AK9: variants seen among roughly 807,000 people sequenced by gnomAD.
AK9 encodes the protein adenylate kinase domain containing 1.
In AK9, 191 loss-of-function variants were observed where a neutral mutation model predicts 239.6. The observed-to-expected ratio is 0.80, with a 90% CI of 0.71 to 0.90. The LOEUF (loss-of-function observed/expected upper bound fraction) is 0.90. Ranked by LOEUF, AK9 falls within the 40% of genes least tolerant of loss-of-function variation. The pLI, the probability that AK9 is intolerant of heterozygous loss-of-function variation, is 0.00. For synonymous variants in AK9, 689 were observed against 721.0 expected, an observed-to-expected ratio of 0.96 and a Z score of 0.71; for missense variants, 1,995 against 2,214.7, an observed-to-expected ratio of 0.90 and a Z score of 1.99.
chr6:109,670,426 T>C (rs1770681704), intron 5 of AK9, among the ~76,000 whole-genome samples: 2 of 152,200 alleles, frequency 1.3e-5, no homozygotes, highest in South Asian at 4.1e-4. Context: ...AGTAGAAGTG[T>C]AGATGAAACG....
intron 32 of AK9, 82 bp from the exon 33 acceptor site, chr6:109,509,462 T>C: frequency 8.2e-7 from 1 of 1,218,434 alleles, no homozygotes; most frequent in Non-Finnish European, 1.1e-6. Context: ...ATGGGTATAT[T>C]GTGTGATGCT....
At position 109,672,147 on chromosome 6, in the gene AK9, G is replaced by T; in HGVS notation, c.202C>A (p.Gln68Lys). 6.2e-7 allele frequency: 1 copy of T among 1,612,976 alleles called. No homozygotes were observed. Among genetic ancestry groups the T allele is most frequent in the Non-Finnish European group, 8.5e-7 (1 of 1,179,488 alleles). The change falls in exon 4 of 41, where the codon CAG becomes AAG. Residue 68 changes from glutamine to lysine, a missense_variant. Coordinates refer to ENST00000424296, the MANE Select transcript of AK9 (RefSeq NM_001145128.3). ...RVEALPILEE[Q>K]IAAETESGVM... Reference sequence around the variant, plus strand: ...CCTGATTCGGTTTCAGCAGCAATCTGTTCTTCTAAAATTGGCAAAGCTAAA... The same window carrying T: ...CCTGATTCGGTTTCAGCAGCAATCTTTTCTTCTAAAATTGGCAAAGCTAAA...
At chr6:109,688,844 T>G (rs967967739) in intron 1 of AK9, among the ~76,000 whole-genome samples, 11 of 152,102 alleles carry the variant, frequency 7.2e-5, no homozygotes, top group African/African-American at 2.7e-4. Context: ...TGCTGCTATG[T>G]GATTGGATGA....
chr6:109,531,233 G>A (rs1428535626), intron 28 of AK9, among the ~76,000 whole-genome samples: 1 of 152,154 alleles, frequency 6.6e-6, no homozygotes, highest in African/African-American at 2.4e-5. Context: ...GAAAATTCGT[G>A]TGGAGGTAGT....
chr6:109,579,631 A>T lies in AK9; in HGVS notation c.2115-5T>A. ...AATTCCTCTTCTGTGGCTTTTCTGAAATGAAAAGGTTCAAATTTAATTATC... is the reference window on the plus strand; with the variant it reads ...AATTCCTCTTCTGTGGCTTTTCTGATATGAAAAGGTTCAAATTTAATTATC... On this transcript the variant is annotated splice_region_variant and splice_polypyrimidine_tract_variant and intron_variant, in intron 19 of 40. Coordinates refer to ENST00000424296, the MANE Select transcript of AK9 (RefSeq NM_001145128.3). 1 of 1,549,952 alleles carries T rather than the reference A, an allele frequency of 6.5e-7. No individual in the cohort carries two copies. The highest frequency in any genetic ancestry group is 8.7e-7 in the Non-Finnish European group (1 of 1,146,078).
At chr6:109,597,792 A>C (rs1271763005) in intron 17 of AK9, among the ~76,000 whole-genome samples, 1 of 152,196 alleles carries the variant, frequency 6.6e-6, no homozygotes, top group Non-Finnish European at 1.5e-5. Flanking sequence ...GTGGAAGTTT[A>C]TTAAAAAGCT....
intron 24 of AK9, among the ~76,000 whole-genome samples, chr6:109,554,114 T>A (rs1582978386): frequency 1.3e-5 from 2 of 152,306 alleles, no homozygotes; most frequent in East Asian, 3.9e-4. Context: ...AGTATCTTAT[T>A]GAGGATTTTT....
chr6:109,621,893 T>TAAAAAAAAAAAAAA (rs59405869), intron 12 of AK9, among the ~76,000 whole-genome samples: 1 of 55,524 alleles, frequency 1.8e-5, no homozygotes, highest in Non-Finnish European at 3.2e-5. Flanking sequence ...AAAGTATAAT[T>TAAAAAAAAAAAAAA]AAAAAAAAAA....
At chr6:109,666,556 G>T (rs1319924185) in intron 5 of AK9, among the ~76,000 whole-genome samples, 1 of 152,192 alleles carries the variant, frequency 6.6e-6, no homozygotes, top group Non-Finnish European at 1.5e-5. Flanking sequence ...GTTCTCATTA[G>T]CTCAACCAAT....
chr6:109,675,291 T>A (rs1771543983), intron 2 of AK9, among the ~76,000 whole-genome samples: 1 of 152,206 alleles, frequency 6.6e-6, no homozygotes, highest in South Asian at 2.1e-4. Flanking sequence ...CAAATTTAAA[T>A]ATAGTCTGGG....
intron 27 of AK9, 37 bp from the exon 28 acceptor site, chr6:109,533,507 A>C (rs1364902697): frequency 6.6e-7 from 1 of 1,504,842 alleles, no homozygotes. Flanking sequence ...TATTTCATTA[A>C]AATGTTGTAA....
In AK9 at chr6:109,564,793, G is replaced by A; in HGVS notation, c.2397C>T (p.Ser799=). The change falls in exon 22 of 41, where the codon TCC becomes TCT. Residue 799 remains serine (S), a synonymous_variant. Coordinates refer to ENST00000424296, the MANE Select transcript of AK9 (RefSeq NM_001145128.3). ...TTVETEIPKG[S]KEGLEIEKLS... ...ATTTTTCAATTTCCAGGCCCTCTTT[G>A]GATCCTTTTGGGATTTCTGTTTCCA... 1 of 1,545,878 alleles carries A rather than the reference G, an allele frequency of 6.5e-7. No individual in the cohort carries two copies. Among genetic ancestry groups the A allele is most frequent in the Non-Finnish European group, 8.7e-7 (1 of 1,144,358 alleles).
chr6:109,497,967 T>C lies in AK9; in HGVS notation c.5047-2A>G, dbSNP rs1777241936. On this transcript the variant is annotated splice_acceptor_variant, in intron 36 of 40. Coordinates refer to ENST00000424296, the MANE Select transcript of AK9 (RefSeq NM_001145128.3). LOFTEE classifies it high-confidence loss of function. ...CAATTCTGGGTTCTCCAAGAATTTC[T>C]ATTAAAAAAGAATTCCAGTAGCAAC... The C allele has an allele frequency of 6.2e-7, 1 of 1,612,488 alleles. No individual in the cohort carries two copies. Among genetic ancestry groups the C allele is most frequent in the Non-Finnish European group, 8.5e-7 (1 of 1,178,782 alleles).
At chr6:109,612,607 T>C (rs996669495) in intron 15 of AK9, among the ~76,000 whole-genome samples, 1 of 152,062 alleles carries the variant, frequency 6.6e-6, no homozygotes, top group Non-Finnish European at 1.5e-5. Context: ...TCAGCTGCCA[T>C]CTGATGGTCA....
intron 17 of AK9, among the ~76,000 whole-genome samples, chr6:109,603,858 G>C (rs745541486): frequency 5.9e-5 from 9 of 152,174 alleles, no homozygotes; most frequent in Non-Finnish European, 1.0e-4. Flanking sequence ...TCTGGGCGTG[G>C]GACCCTCCGA....
intron 15 of AK9, among the ~76,000 whole-genome samples, chr6:109,613,435 C>A (rs1288602840): frequency 1.3e-5 from 2 of 151,696 alleles, no homozygotes; most frequent in Non-Finnish European, 2.9e-5. Context: ...ATTAAAACAA[C>A]AGAAAATACT....
chr6:109,563,708 T>C lies in AK9; in HGVS notation c.2640A>G (p.Pro880=). The C allele has an allele frequency of 6.5e-7, 1 of 1,549,716 alleles. No individual in the cohort carries two copies. The highest frequency in any genetic ancestry group is 8.7e-7 in the Non-Finnish European group (1 of 1,145,628). The change falls in exon 24 of 41, where the codon CCA becomes CCG. Residue 880 remains proline (P), a synonymous_variant. Transcript: ENST00000424296. The stretch of plus-strand genomic sequence containing the variant: ...TTAACTCCCATGCAGTATATTGAAA[T>C]GGTTCTGGAGAAAAAGAGAATCATT... ...LQKVVETMEK[P]FQYTAWELTG...
chr6:109,675,938 T>C (rs939432369), intron 1 of AK9, among the ~76,000 whole-genome samples, 182 bp from the exon 2 acceptor site: 11 of 152,224 alleles, frequency 7.2e-5, no homozygotes, highest in South Asian at 2.1e-4. Context: ...AGTAAGCTCT[T>C]AGTTTGAGAC....
chr6:109,498,976 T>C (rs1380025715), intron 36 of AK9, 68 bp downstream of exon 36: 3 of 1,318,124 alleles, frequency 2.3e-6, no homozygotes, highest in Admixed American at 3.3e-5. Flanking sequence ...TATCCCTTCC[T>C]ATTGATTGAT....
Sources: gnomAD v4.1 joint callset for allele counts (sites outside exome capture counted in the v4.1 genomes callset) on GRCh38, gnomAD v4.1.1 for gene constraint, MANE v1.5 for transcripts, NCBI Gene and HGNC (gene_info 2026-07-23, HGNC 2026-07-21) for gene names.